The following PRKN variants were observed in gnomAD, a reference collection of about 807,000 sequenced individuals.
The protein encoded by PRKN is parkin RBR E3 ubiquitin protein ligase, also known as E3 ubiquitin-protein ligase parkin.
Under a neutral mutation model 59.5 loss-of-function variants are expected in PRKN, and 56 were observed. That is an observed-to-expected ratio of 0.94 (90% CI 0.76 to 1.18). PRKN has a LOEUF of 1.18. Ranked by LOEUF, PRKN falls within the 50% of genes most tolerant of loss-of-function variation. PRKN has a pLI of 0.00. For synonymous variants in PRKN, 250 were observed against 222.1 expected (o/e 1.13, Z -1.12); for missense variants, 657 against 596.4 (o/e 1.10, Z -1.06).
intron 7 of PRKN, among the ~76,000 whole-genome samples, chr6:161,733,725 T>C (rs1301956458): frequency 6.8e-6 from 1 of 147,760 alleles, no homozygotes; most frequent in Non-Finnish European, 1.5e-5. Context: ...GGTCAGTGGA[T>C]CATTTAATAT....
intron 2 of PRKN, among the ~76,000 whole-genome samples, chr6:162,387,555 CAGAGAGAGAGAGAGAGAGAGAGAG>C (rs60548327): frequency 1.5e-3 from 146 of 95,636 alleles, no homozygotes; most frequent in African/African-American, 4.3e-3. Flanking sequence ...CACACACACA[CAGAGAGAGAGAGAGAGAGAGAGAG>C]AGAGAGAGAG....
chr6:161,599,036 A>G (rs1583277093), intron 7 of PRKN, among the ~76,000 whole-genome samples: 2 of 152,308 alleles, frequency 1.3e-5, no homozygotes, highest in East Asian at 3.9e-4. Flanking sequence ...TGTCTGAGTG[A>G]TGCAGCCACA....
chr6:162,111,590 A>G (rs1438741638), intron 4 of PRKN, among the ~76,000 whole-genome samples: 1 of 152,138 alleles, frequency 6.6e-6, no homozygotes, highest in Non-Finnish European at 1.5e-5. Context: ...TGTGTGTAGC[A>G]TGGGTATTTG....
intron 7 of PRKN, among the ~76,000 whole-genome samples, chr6:161,745,977 C>T (rs2128192938): frequency 6.6e-6 from 1 of 152,246 alleles, no homozygotes; most frequent in East Asian, 1.9e-4. Flanking sequence ...GGCCTGTGGC[C>T]AGGAGGGGAG....
At chr6:162,092,958 C>A (rs140468373) in intron 4 of PRKN, among the ~76,000 whole-genome samples, 6 of 152,308 alleles carry the variant, frequency 3.9e-5, no homozygotes, top group Non-Finnish European at 8.8e-5. Flanking sequence ...GTCTGCCTCA[C>A]GCTTAGCTCT....
At chr6:161,745,324 C>A (rs1441597456) in intron 7 of PRKN, among the ~76,000 whole-genome samples, 1 of 152,124 alleles carries the variant, frequency 6.6e-6, no homozygotes, top group Non-Finnish European at 1.5e-5. Flanking sequence ...CTTGCCAGAG[C>A]CTTGGAGTAG....
At chr6:162,484,475 T>C (rs975026062) in intron 1 of PRKN, among the ~76,000 whole-genome samples, 2 of 152,200 alleles carry the variant, frequency 1.3e-5, no homozygotes, top group Non-Finnish European at 2.9e-5. Context: ...GACTGACTTT[T>C]GGCTTGAGTA....
In PRKN at chr6:161,560,459, T is replaced by G. The variant is rs1315269376; in HGVS notation, c.933+8896A>C. Among the ~76,000 whole-genome samples the G allele has an allele frequency of 1.3e-5, 2 of 152,164 alleles. No homozygotes were observed. Among genetic ancestry groups the G allele is most frequent in the Non-Finnish European group, 2.9e-5 (2 of 68,020 alleles). On this transcript the variant is annotated intron_variant, in intron 8 of 11. Coordinates refer to ENST00000366898, the MANE Select transcript of PRKN (RefSeq NM_004562.3). This position sits in a 1 kb window ranked among gnomAD's most constrained non-coding sequence, Gnocchi z 4.9. ...CCCTCACCTCCTCACTGCTGCCCCCTGATCTCCTGGATGCAGCCCCTCATT... is the reference window on the plus strand; with the variant it reads ...CCCTCACCTCCTCACTGCTGCCCCCGGATCTCCTGGATGCAGCCCCTCATT...
intron 1 of PRKN, among the ~76,000 whole-genome samples, chr6:162,631,412 TAAG>T (rs1253534104): frequency 1.3e-5 from 2 of 152,130 alleles, no homozygotes; most frequent in African/African-American, 2.4e-5. Flanking sequence ...GAATTCCTTA[TAAG>T]AAGGGTGCTT....
intron 9 of PRKN, among the ~76,000 whole-genome samples, chr6:161,511,585 C>T (rs1778394256): frequency 6.6e-6 from 1 of 152,158 alleles, no homozygotes; most frequent in Non-Finnish European, 1.5e-5. Flanking sequence ...TAGCCCATGA[C>T]AATTGACTGG....
chr6:162,142,315 C>T (rs946739925), intron 4 of PRKN, among the ~76,000 whole-genome samples: 2 of 152,200 alleles, frequency 1.3e-5, no homozygotes, highest in Admixed American at 1.3e-4. Flanking sequence ...GAAGAGCCTG[C>T]ATCCGGCAGT....
chr6:162,276,044 T>A (rs1303151639), intron 2 of PRKN, among the ~76,000 whole-genome samples: 2 of 152,188 alleles, frequency 1.3e-5, no homozygotes, highest in African/African-American at 2.4e-5. Context: ...AAGATGACGA[T>A]GTGGATGGTT....
intron 4 of PRKN, among the ~76,000 whole-genome samples, chr6:162,157,067 T>G (rs1782544420): frequency 6.6e-6 from 1 of 152,128 alleles, no homozygotes; most frequent in Non-Finnish European, 1.5e-5. Flanking sequence ...GGAATATTTT[T>G]AATCCTCTTG....
At chr6:161,834,601 C>T (rs1003996022) in intron 6 of PRKN, among the ~76,000 whole-genome samples, 1 of 152,168 alleles carries the variant, frequency 6.6e-6, no homozygotes, top group Non-Finnish European at 1.5e-5. Context: ...AGGAACAAGC[C>T]GGCTGGAAGC....
At chr6:162,031,750 G>A (rs576208859) in intron 5 of PRKN, among the ~76,000 whole-genome samples, 3 of 151,880 alleles carry the variant, frequency 2.0e-5, no homozygotes, top group South Asian at 2.1e-4. Flanking sequence ...GGCTGGTCTC[G>A]AACTCCTGAC....
At chr6:162,205,457 A>C (rs2128332338) in intron 3 of PRKN, among the ~76,000 whole-genome samples, 1 of 152,252 alleles carries the variant, frequency 6.6e-6, no homozygotes, top group African/African-American at 2.4e-5. Flanking sequence ...ACTTTTCATT[A>C]ACCTGAGAAG....
intron 6 of PRKN, among the ~76,000 whole-genome samples, chr6:161,946,731 G>C (rs1401325590): frequency 6.6e-6 from 1 of 152,094 alleles, no homozygotes; most frequent in African/African-American, 2.4e-5. Context: ...AGGCTGTAAA[G>C]ATACATGTAC....
intron 7 of PRKN, among the ~76,000 whole-genome samples, chr6:161,740,551 G>A (rs1457099599): frequency 7.2e-5 from 11 of 152,184 alleles, no homozygotes; most frequent in Admixed American, 3.9e-4. Flanking sequence ...TCGGTCCCAC[G>A]TCCTCCAGTG....
intron 11 of PRKN, among the ~76,000 whole-genome samples, chr6:161,358,386 G>A (rs1345846833): frequency 1.3e-5 from 2 of 152,156 alleles, no homozygotes; most frequent in Non-Finnish European, 2.9e-5. Context: ...GCCAAGGCGG[G>A]TAGATCACCT....
Sources: allele counts gnomAD v4.1 joint callset (sites outside exome capture counted in the v4.1 genomes callset), GRCh38; gene constraint gnomAD v4.1.1; non-coding constraint Gnocchi (gnomAD v3.1); transcripts MANE v1.5; gene names NCBI Gene and HGNC (gene_info 2026-07-23, HGNC 2026-07-21).